The following ARHGAP44 variants were observed in gnomAD, a reference collection of about 807,000 sequenced individuals.
ARHGAP44 encodes the protein Rho GTPase activating protein 44, also known as rho GTPase-activating protein 44.
In ARHGAP44, 43 loss-of-function variants were observed where a neutral mutation model predicts 106.8. The observed-to-expected ratio is 0.40, with a 90% CI of 0.32 to 0.52. ARHGAP44 has a LOEUF of 0.52. ARHGAP44 is among the 20% of genes least tolerant of loss of function. ARHGAP44 has a pLI of 0.48. For missense variants in ARHGAP44, 866 were observed against 1,050.5 expected (o/e 0.82, Z 2.43); for synonymous variants, 439 against 410.3 (o/e 1.07, Z -0.85).
chr17:12,892,270 A>C (rs2037071623), intron 1 of ARHGAP44, among the ~76,000 whole-genome samples: 1 of 152,074 alleles, frequency 6.6e-6, no homozygotes, highest in South Asian at 2.1e-4. Context: ...ATGATGTGCC[A>C]CTTTCTTTTA....
chr17:12,889,854 C>T (rs1377313875), intron 1 of ARHGAP44, among the ~76,000 whole-genome samples: 2 of 151,968 alleles, frequency 1.3e-5, no homozygotes, highest in Admixed American at 6.6e-5. Context: ...ATGTTCCTAT[C>T]TCAAAAGAGA....
chr17:12,978,693 T>C (rs1008380250), intron 18 of ARHGAP44, among the ~76,000 whole-genome samples: 3 of 128,260 alleles, frequency 2.3e-5, no homozygotes. Flanking sequence ...CTTTTTTCTT[T>C]TTTCTTTTTT....
intron 19 of ARHGAP44, among the ~76,000 whole-genome samples, chr17:12,983,264 T>TAAAAAA (rs56038306): frequency 2.1e-5 from 2 of 95,848 alleles, no homozygotes; most frequent in African/African-American, 4.1e-5. Flanking sequence ...GACTCCATCT[T>TAAAAAA]AAAAAAAAAA....
intron 13 of ARHGAP44, among the ~76,000 whole-genome samples, chr17:12,954,712 G>A (rs184869100): frequency 6.4e-4 from 97 of 152,050 alleles, no homozygotes; most frequent in Non-Finnish European, 9.7e-4. Context: ...ATGTCTTCTC[G>A]GGGTCCTGGG....
chr17:12,801,656 A>C (rs1404533277), intron 1 of ARHGAP44, among the ~76,000 whole-genome samples: 1 of 152,198 alleles, frequency 6.6e-6, no homozygotes, highest in Non-Finnish European at 1.5e-5. Flanking sequence ...AAAATGTCTA[A>C]GGGCCGAGAG....
At chr17:12,984,981 G>A in intron 20 of ARHGAP44, 73 bp downstream of exon 20, 1 of 1,512,218 alleles carries the variant, frequency 6.6e-7, no homozygotes, top group Non-Finnish European at 8.9e-7. Context: ...GGGATTGCTA[G>A]TGTTACTGCC....
chr17:12,917,072 G>A (rs1417663881), intron 5 of ARHGAP44, among the ~76,000 whole-genome samples: 2 of 152,072 alleles, frequency 1.3e-5, no homozygotes, highest in East Asian at 3.9e-4. Context: ...AAATATTTCT[G>A]GTCCCAAGCA....
chr17:12,879,828 C>T (rs2036673031), intron 1 of ARHGAP44, among the ~76,000 whole-genome samples: 1 of 151,770 alleles, frequency 6.6e-6, no homozygotes, highest in Non-Finnish European at 1.5e-5. Context: ...GAAAACTTTA[C>T]TAATAGACTG....
chr17:12,908,766 A>T, intron 3 of ARHGAP44, 131 bp from the exon 4 acceptor site: 1 of 699,746 alleles, frequency 1.4e-6, no homozygotes, highest in Non-Finnish European at 2.4e-6. Context: ...TTCTATGTTT[A>T]AACCTATTTT....
intron 1 of ARHGAP44, among the ~76,000 whole-genome samples, chr17:12,866,338 C>A (rs530428446): frequency 6.6e-6 from 1 of 152,066 alleles, no homozygotes; most frequent in African/African-American, 2.4e-5. Flanking sequence ...TATTTTTGAC[C>A]CTAAATGAAT....
chr17:12,843,622 C>A (rs1387281315), intron 1 of ARHGAP44, among the ~76,000 whole-genome samples: 1 of 144,318 alleles, frequency 6.9e-6, no homozygotes, highest in Non-Finnish European at 1.5e-5. Flanking sequence ...ACTGTGGATG[C>A]TATTACATTC....
intron 20 of ARHGAP44, chr17:12,986,092 A>C (rs935910034): frequency 1.3e-5 from 2 of 152,222 alleles, no homozygotes; most frequent in Non-Finnish European, 2.9e-5. Flanking sequence ...AAGTGTTTGT[A>C]CTGGGTCAGA....
At position 12,949,237 on chromosome 17, in the gene ARHGAP44, C is replaced by T; in HGVS notation, c.959C>T (p.Pro320Leu). ...VVDVQEYSAD[P>L]HAIAGALKSY... ...GATGTGCAGGAGTACTCGGCAGACC[C>T]CCACGCAATTGCAGGTGGGCACCTC... The change falls in exon 11 of 21, where the codon CCC (proline) becomes CTC (leucine). Residue 320 changes from proline (P) to leucine (L), a missense_variant. Coordinates refer to ENST00000379672, the MANE Select transcript of ARHGAP44 (RefSeq NM_014859.6). The surrounding 1 kb of genome is among the most constrained non-coding windows in gnomAD (Gnocchi z 4.1). The T allele has an allele frequency of 6.4e-7, 1 of 1,563,530 alleles. No individual in the cohort carries two copies. Among genetic ancestry groups the T allele is most frequent in the Non-Finnish European group, 8.7e-7 (1 of 1,154,016 alleles).
At chr17:12,816,991 A>T (rs1269598839) in intron 1 of ARHGAP44, among the ~76,000 whole-genome samples, 5 of 152,178 alleles carry the variant, frequency 3.3e-5, no homozygotes, top group Non-Finnish European at 7.4e-5. Context: ...CTCGTGAAAC[A>T]TTCACCAAGG....
intron 1 of ARHGAP44, among the ~76,000 whole-genome samples, chr17:12,805,758 A>G (rs1344735407): frequency 6.6e-6 from 1 of 152,222 alleles, no homozygotes; most frequent in African/African-American, 2.4e-5. Flanking sequence ...CATGTTTACT[A>G]GGGAGTGCTC....
chr17:12,871,706 A>T (rs2036412320), intron 1 of ARHGAP44, among the ~76,000 whole-genome samples: 2 of 152,144 alleles, frequency 1.3e-5, no homozygotes, highest in African/African-American at 4.8e-5. Context: ...ACAAATCCAA[A>T]CCATACCAGT....
At chr17:12,925,375 C>G (rs187167564) in intron 6 of ARHGAP44, among the ~76,000 whole-genome samples, 34 of 152,264 alleles carry the variant, frequency 2.2e-4, no homozygotes, top group African/African-American at 8.2e-4. Flanking sequence ...CCACACATTA[C>G]TGCAGAGTGG....
intron 16 of ARHGAP44, among the ~76,000 whole-genome samples, chr17:12,969,228 C>A (rs1004203264): frequency 5.3e-5 from 8 of 152,120 alleles, no homozygotes; most frequent in Non-Finnish European, 1.2e-4. Flanking sequence ...CTGATGTCAG[C>A]AGTAGAGTAT....
chr17:12,988,422 A>G (rs2040013213), intron 20 of ARHGAP44: 1 of 152,140 alleles, frequency 6.6e-6, no homozygotes, highest in African/African-American at 2.4e-5. Context: ...GCCCCGGGCC[A>G]CTCAGCCTCA....
Sources: gnomAD v4.1 joint callset for allele counts (sites outside exome capture counted in the v4.1 genomes callset) on GRCh38, gnomAD v4.1.1 for gene constraint, Gnocchi (gnomAD v3.1) non-coding constraint, MANE v1.5 for transcripts, NCBI Gene and HGNC (gene_info 2026-07-23, HGNC 2026-07-21) for gene names.